RIMS1: variants seen among roughly 807,000 people sequenced by gnomAD.
RIMS1 encodes the protein regulating synaptic membrane exocytosis protein 1.
Under a neutral mutation model 214.1 loss-of-function variants are expected in RIMS1, and 83 were observed. The observed-to-expected ratio is 0.39, with a 90% CI of 0.32 to 0.47. The LOEUF (loss-of-function observed/expected upper bound fraction) is 0.47. Ranked by LOEUF, RIMS1 falls within the 20% of genes least tolerant of loss-of-function variation. The probability of loss-of-function intolerance (pLI) is 0.99; values close to 1 mark genes in which losing one functional copy is unlikely to be tolerated. For missense variants in RIMS1, 2,050 were observed against 2,161.8 expected (o/e 0.95, Z 1.03); for synonymous variants, 793 against 786.8 (o/e 1.01, Z -0.13).
At chr6:71,906,012 C>G (rs1775147402) in intron 1 of RIMS1, among the ~76,000 whole-genome samples, 1 of 152,120 alleles carries the variant, frequency 6.6e-6, no homozygotes, top group African/African-American at 2.4e-5. Flanking sequence ...TGCCTGTACT[C>G]CAGTGTGTCC....
intron 4 of RIMS1, among the ~76,000 whole-genome samples, chr6:72,163,669 G>T (rs1398275035): frequency 7.1e-6 from 1 of 140,712 alleles, no homozygotes; most frequent in African/African-American, 2.5e-5. Flanking sequence ...GTTTGCCTGG[G>T]TATCATCAGT....
intron 1 of RIMS1, among the ~76,000 whole-genome samples, chr6:71,940,676 G>A (rs775921236): frequency 1.3e-5 from 2 of 152,210 alleles, no homozygotes; most frequent in Non-Finnish European, 2.9e-5. Flanking sequence ...GTGCTAGGGT[G>A]AGCTCATGGA....
chr6:72,010,427 G>C (rs1027288231), intron 2 of RIMS1, among the ~76,000 whole-genome samples: 20 of 152,142 alleles, frequency 1.3e-4, no homozygotes, highest in African/African-American at 4.8e-4. Flanking sequence ...CACAAGACAG[G>C]GATGCCCTCT....
intron 1 of RIMS1, among the ~76,000 whole-genome samples, chr6:71,930,133 G>A (rs1022249205): frequency 6.6e-6 from 1 of 151,954 alleles, no homozygotes; most frequent in Non-Finnish European, 1.5e-5. Context: ...CTATTGAAAT[G>A]TTTATAGTTC....
chr6:72,156,158 T>C, intron 4 of RIMS1: 1 of 244,214 alleles, frequency 4.1e-6, no homozygotes, highest in South Asian at 3.9e-5. Context: ...TTTGAAGAGA[T>C]ATCTGCACTT....
chr6:72,335,879 A>G (rs961754158), intron 29 of RIMS1, among the ~76,000 whole-genome samples: 8 of 151,796 alleles, frequency 5.3e-5, no homozygotes, highest in Non-Finnish European at 8.8e-5. Context: ...TCTTCTCTTG[A>G]GAAGTGTTTG....
At chr6:72,121,910 T>A (rs2038421976) in intron 4 of RIMS1, among the ~76,000 whole-genome samples, 1 of 151,878 alleles carries the variant, frequency 6.6e-6, no homozygotes, top group African/African-American at 2.4e-5. Flanking sequence ...ATTGAGATAA[T>A]CATGTGGTTT....
intron 2 of RIMS1, among the ~76,000 whole-genome samples, chr6:72,070,206 A>T (rs1830270825): frequency 6.6e-6 from 1 of 152,240 alleles, no homozygotes; most frequent in Admixed American, 6.5e-5. Flanking sequence ...CAATTCTTGG[A>T]TCATTTAATA....
intron 2 of RIMS1, among the ~76,000 whole-genome samples, chr6:72,012,082 A>C (rs1017405070): frequency 6.6e-6 from 1 of 152,236 alleles, no homozygotes; most frequent in African/African-American, 2.4e-5. Flanking sequence ...ATCCAACCCA[A>C]ATGTCCAACA....
intron 2 of RIMS1, among the ~76,000 whole-genome samples, chr6:72,071,388 A>C (rs1448610137): frequency 6.6e-6 from 1 of 152,196 alleles, no homozygotes; most frequent in East Asian, 1.9e-4. Context: ...TGGGTGACAG[A>C]GTGAGACCTT....
intron 8 of RIMS1, among the ~76,000 whole-genome samples, chr6:72,236,926 C>CTGT: frequency 6.6e-6 from 1 of 152,222 alleles, no homozygotes; most frequent in East Asian, 1.9e-4. Flanking sequence ...AGCCTGGGTG[C>CTGT]AGTGGCTCAT....
Position 72,399,078 on chromosome 6 carries a change from A to G in RIMS1, c.4844A>G (p.Gln1615Arg). The change falls in exon 33 of 34, where the codon CAG (glutamine) becomes CGG (arginine). Residue 1615 changes from glutamine (Q) to arginine (R), a missense_variant. Physicochemically the swap from Gln to Arg is conservative, Grantham distance 43. Around this residue, in one of 6 missense-constraint regions of RIMS1, gnomAD observed 121 missense variants for 187.3 expected, o/e 0.65. Transcript: ENST00000521978. Reference sequence around the variant, plus strand: ...TCTCTGGTTTTTGATGAAAGTCCACAGGGTAAAGTTCTTCAGGTCAGTAAT... The same window carrying G: ...TCTCTGGTTTTTGATGAAAGTCCACGGGGTAAAGTTCTTCAGGTCAGTAAT... ...QQSLVFDESP[Q>R]GKVLQVIVWG... The G allele has an allele frequency of 1.2e-6, 2 of 1,605,410 alleles. No individual in the cohort carries two copies. The highest frequency in any genetic ancestry group is 8.5e-7 in the Non-Finnish European group (1 of 1,175,608).
chr6:72,103,655 A>T (rs540434827), intron 4 of RIMS1, among the ~76,000 whole-genome samples: 1 of 152,254 alleles, frequency 6.6e-6, no homozygotes, highest in East Asian at 1.9e-4. Context: ...ATACGTTGTC[A>T]AATCTTACGT....
At chr6:72,201,879 C>A (rs1165143880) in intron 6 of RIMS1, among the ~76,000 whole-genome samples, 1 of 152,160 alleles carries the variant, frequency 6.6e-6, no homozygotes. Context: ...CTTTTGCTTG[C>A]CGTCACCAGT....
intron 26 of RIMS1, among the ~76,000 whole-genome samples, chr6:72,306,145 C>T (rs1201797554): frequency 6.6e-6 from 1 of 152,024 alleles, no homozygotes; most frequent in Non-Finnish European, 1.5e-5. Flanking sequence ...CCAAGTCAAT[C>T]AAACATATCA....
rs549282357 is a variant in RIMS1 at position 71,960,347 on chromosome 6, T to A, written c.165-8636T>A. Among the ~76,000 whole-genome samples the A allele has an allele frequency of 1.4e-3, 218 of 152,250 alleles. 1 individual carries two copies. Among genetic ancestry groups the A allele is most frequent in the Non-Finnish European group, 2.5e-3 (173 of 67,988 alleles). ...AAGTTAGCTGTGAGGGGTGCTGGAATTTTTTACTAGTAGAAATGGAAATAC... is the reference window on the plus strand; with the variant it reads ...AAGTTAGCTGTGAGGGGTGCTGGAAATTTTTACTAGTAGAAATGGAAATAC... On this transcript the variant is annotated intron_variant, in intron 1 of 33. Coordinates refer to ENST00000521978, the MANE Select transcript of RIMS1 (RefSeq NM_014989.7).
At chr6:71,910,208 G>A (rs73748936) in intron 1 of RIMS1, among the ~76,000 whole-genome samples, 6,904 of 152,096 alleles carry the variant, frequency 0.045, 441 homozygotes, top group African/African-American at 0.15. Flanking sequence ...CGTAATGTCT[G>A]TTAGATAAGC....
chr6:72,203,540 G>A lies in RIMS1; in HGVS notation c.1678+20391G>A, dbSNP rs149031683. Reference sequence around the variant, plus strand: ...CCAGAGGTTACAGGTTGAGGGAACAGGTTATCCTAGTTCTGTCAAGAACTG... The same window carrying A: ...CCAGAGGTTACAGGTTGAGGGAACAAGTTATCCTAGTTCTGTCAAGAACTG... On this transcript the variant is annotated intron_variant, in intron 6 of 33. Transcript: ENST00000521978. 5.9e-5 allele frequency among the ~76,000 whole-genome samples: 9 copies of A among 152,266 alleles called. No homozygotes were observed. The East Asian group carries it at 1.4e-3, about 23-fold the overall frequency.
intron 2 of RIMS1, among the ~76,000 whole-genome samples, chr6:71,985,674 T>C (rs1032729933): frequency 6.6e-6 from 1 of 152,192 alleles, no homozygotes; most frequent in Non-Finnish European, 1.5e-5. Context: ...TCTTTTTTCT[T>C]TTCTGTTTTT....
Sources: allele counts gnomAD v4.1 joint callset (sites outside exome capture counted in the v4.1 genomes callset), GRCh38; gene constraint gnomAD v4.1.1; regional missense constraint gnomAD v4.1.1; transcripts MANE v1.5; gene names NCBI Gene and HGNC (gene_info 2026-07-23, HGNC 2026-07-21).